The following EVC2 variants were observed in gnomAD, a reference collection of about 807,000 sequenced individuals.
The protein encoded by EVC2 is EvC ciliary complex subunit 2.
A neutral mutation model predicts 149.3 loss-of-function variants in EVC2; 148 were observed. The ratio of observed to expected loss-of-function variants is 0.99; its 90% CI spans 0.87 to 1.14. EVC2 has a LOEUF of 1.14. Among genes scored for constraint, EVC2 ranks in the 50% most tolerant of loss-of-function variants. The pLI, the probability that EVC2 is intolerant of heterozygous loss-of-function variation, is 0.00. For synonymous variants in EVC2, 776 were observed against 649.9 expected, an observed-to-expected ratio of 1.19 and a Z score of -2.95; for missense variants, 1,854 against 1,627.3, an observed-to-expected ratio of 1.14 and a Z score of -2.40.
chr4:5,651,173 G>A (rs1164947143), intron 9 of EVC2, among the ~76,000 whole-genome samples: 1 of 152,100 alleles, frequency 6.6e-6, no homozygotes. Context: ...GGAATGCACG[G>A]GTAGGCGAAT....
intron 21 of EVC2, chr4:5,543,283 C>A (rs1721552066): frequency 2.8e-6 from 3 of 1,054,964 alleles, no homozygotes; most frequent in Non-Finnish European, 2.6e-6. Flanking sequence ...CATCACCATC[C>A]ACCCCAAGCC....
intron 16 of EVC2, among the ~76,000 whole-genome samples, chr4:5,596,863 TA>T (rs1384176623): frequency 5.3e-5 from 8 of 151,910 alleles, no homozygotes; most frequent in Non-Finnish European, 1.0e-4. Context: ...ATACACGCAA[TA>T]AAAAATGATA....
intron 6 of EVC2, among the ~76,000 whole-genome samples, chr4:5,682,764 G>T (rs1370712860): frequency 6.6e-6 from 1 of 150,742 alleles, no homozygotes; most frequent in African/African-American, 2.4e-5. Context: ...GAGGCTGAGA[G>T]AGGAGAATCG....
chr4:5,684,929 A>C (rs1720590550), intron 6 of EVC2, among the ~76,000 whole-genome samples: 1 of 152,212 alleles, frequency 6.6e-6, no homozygotes, highest in South Asian at 2.1e-4. Flanking sequence ...AACAGGTCTC[A>C]GAAGGAATCA....
Position 5,584,769 on chromosome 4 carries a change from G to C in EVC2, c.2911C>G (p.Gln971Glu). Residue 971 changes from glutamine to glutamate, a missense_variant, in exon 17 of 22, where the codon CAG becomes GAG. Coordinates refer to ENST00000344408, the MANE Select transcript of EVC2 (RefSeq NM_147127.5). Reference sequence around the variant, plus strand: ...GTCACCCGGGACGCCTTCTGGAACTGCAGAGCAACAAGCGACTGTGCAAAG... The same window carrying C: ...GTCACCCGGGACGCCTTCTGGAACTCCAGAGCAACAAGCGACTGTGCAAAG... The part of the protein sequence containing the change: ...GGFAQSLVAL[Q>E]FQKASRVTET... 2 of 1,614,170 alleles carry C rather than the reference G, an allele frequency of 1.2e-6. No homozygotes were observed. Among genetic ancestry groups the C allele is most frequent in the Non-Finnish European group, 1.7e-6 (2 of 1,180,030 alleles).
Position 5,622,462 on chromosome 4 carries a change from C to T in EVC2, c.2501+75G>A. 1 of 1,542,122 alleles carries T rather than the reference C, an allele frequency of 6.5e-7. No individual in the cohort carries two copies. ...CAGGTGTCTCATGCTTGGCCATCCC[C>T]ACAACCACAGGGCAGGAATCTCCCT... On this transcript the variant is annotated intron_variant, in intron 14 of 21. Transcript: ENST00000344408. This position sits in a 1 kb window ranked among gnomAD's most constrained non-coding sequence, Gnocchi z 5.8.
chr4:5,665,536 T>A lies in EVC2; in HGVS notation c.984A>T (p.Gly328=), dbSNP rs1023236102. The part of the protein sequence containing the change: ...FLMVRYQCLK[G]NMLTRHRVWQ... ...TCACCCGATGTCTGGTGAGCATGTT[T>A]CCCTTCAGACACTGATAGCGAACCA... The change falls in exon 8 of 22, where the codon GGA becomes GGT. Residue 328 remains glycine (G), a synonymous_variant. Transcript: ENST00000344408. 32 of 1,613,964 alleles carry A rather than the reference T, an allele frequency of 2.0e-5. No individual in the cohort carries two copies. The Admixed American group carries it at 5.3e-4, about 27-fold the overall frequency.
In EVC2 at chr4:5,622,389, T is replaced by G; in HGVS notation, c.2501+148A>C. 1 of 928,038 alleles carries G rather than the reference T, an allele frequency of 1.1e-6. No homozygotes were observed. The highest frequency in any genetic ancestry group is 1.7e-6 in the Non-Finnish European group (1 of 591,058). 57.5% of individuals were successfully genotyped at this position (928,038 alleles called of 1,614,324 possible). On this transcript the variant is annotated intron_variant, in intron 14 of 21. Coordinates refer to ENST00000344408, the MANE Select transcript of EVC2 (RefSeq NM_147127.5). The surrounding 1 kb of genome is among the most constrained non-coding windows in gnomAD (Gnocchi z 5.8). ...CATTCGAGGTCCTCCCCCCGGGGCG[T>G]TGAGTTTATATGACTAATTAACGCT... is the stretch of plus-strand genomic sequence containing the variant.
At chr4:5,563,658 G>C (rs1459230641) in intron 21 of EVC2, among the ~76,000 whole-genome samples, 1 of 151,992 alleles carries the variant, frequency 6.6e-6, no homozygotes, top group Non-Finnish European at 1.5e-5. Context: ...GGAGTTTTGC[G>C]AGCCCACTGT....
the EVC2 span, among the ~76,000 whole-genome samples, chr4:5,534,729 C>T: frequency 6.7e-6 from 1 of 149,552 alleles, no homozygotes; most frequent in Admixed American, 6.7e-5. Context: ...TTTGTGGCCT[C>T]TACTATCCCC....
rs541966367 is a variant in EVC2, at chr4:5,657,331, T to C, written c.1145+5776A>G. Reference sequence around the variant, plus strand: ...TTCCCTCCCCAAGCCACGTATCTGCTGCATCTACACAGACTCTGCCATCCT... The same window carrying C: ...TTCCCTCCCCAAGCCACGTATCTGCCGCATCTACACAGACTCTGCCATCCT... On this transcript the variant is annotated intron_variant, in intron 9 of 21. Coordinates refer to ENST00000344408, the MANE Select transcript of EVC2 (RefSeq NM_147127.5). This position sits in a 1 kb window ranked among gnomAD's most constrained non-coding sequence, Gnocchi z 4.7. Among the ~76,000 whole-genome samples, 2 of 151,658 alleles carry C rather than the reference T, an allele frequency of 1.3e-5. No homozygotes were observed. The highest frequency in any genetic ancestry group is 2.9e-5 in the Non-Finnish European group (2 of 67,870).
chr4:5,703,745 T>C (rs1246417516), intron 1 of EVC2, among the ~76,000 whole-genome samples: 1 of 152,218 alleles, frequency 6.6e-6, no homozygotes, highest in East Asian at 1.9e-4. Context: ...AGCAAAATCA[T>C]AGTATACTAT....
chr4:5,565,721 C>A (rs1039642369), intron 20 of EVC2, among the ~76,000 whole-genome samples: 2 of 151,694 alleles, frequency 1.3e-5, no homozygotes, highest in Admixed American at 6.6e-5. Context: ...AGTAATCCTA[C>A]CCATCTCTCA....
upstream of EVC2, chr4:5,708,991 G>A (rs1258999680): frequency 1.3e-5 from 2 of 153,886 alleles, no homozygotes; most frequent in Non-Finnish European, 2.9e-5. Flanking sequence ...GAAAGCTCGG[G>A]GAGGAGGGGG....
At chr4:5,648,301 G>C (rs541885286) in intron 9 of EVC2, among the ~76,000 whole-genome samples, 3 of 152,192 alleles carry the variant, frequency 2.0e-5, no homozygotes, top group Non-Finnish European at 4.4e-5. Context: ...TTGACCTCCA[G>C]AACTCTAAGA....
chr4:5,654,489 G>A (rs1474963909), intron 9 of EVC2, among the ~76,000 whole-genome samples: 1 of 152,178 alleles, frequency 6.6e-6, no homozygotes, highest in Non-Finnish European at 1.5e-5. Context: ...CAGCTTCTCC[G>A]TTCCCTAAGG....
At chr4:5,560,639 A>G (rs1047168878), downstream of EVC2, among the ~76,000 whole-genome samples, 7 of 152,198 alleles carry the variant, frequency 4.6e-5, no homozygotes, top group Non-Finnish European at 1.0e-4. The surrounding 1 kb of genome is among the most constrained non-coding windows in gnomAD (Gnocchi z 4.1). Context: ...GGGGACACAG[A>G]GCCAAACCAT....
chr4:5,692,326 C>T (rs1257305574), intron 3 of EVC2, among the ~76,000 whole-genome samples: 1 of 152,156 alleles, frequency 6.6e-6, no homozygotes, highest in Non-Finnish European at 1.5e-5. Flanking sequence ...CCACACTGGG[C>T]CTAATAACCA....
intron 19 of EVC2, among the ~76,000 whole-genome samples, chr4:5,571,792 G>A (rs73074118): frequency 0.024 from 3,629 of 152,258 alleles, 139 homozygotes; most frequent in African/African-American, 0.079. Context: ...TGTTTCTGTG[G>A]GGGTGTTTTG....
Sources: allele counts gnomAD v4.1 joint callset (sites outside exome capture counted in the v4.1 genomes callset), GRCh38; gene constraint gnomAD v4.1.1; non-coding constraint Gnocchi (gnomAD v3.1); transcripts MANE v1.5; gene names NCBI Gene and HGNC (gene_info 2026-07-23, HGNC 2026-07-21).